SPIRE2: variants seen among roughly 807,000 people sequenced by gnomAD.
SPIRE2 encodes the protein protein spire homolog 2.
SPIRE2 carries 76 observed loss-of-function variants against 80.7 expected under a neutral mutation model. The ratio of observed to expected loss-of-function variants is 0.94; its 90% confidence interval spans 0.78 to 1.14. The LOEUF is 1.14. Ranked by LOEUF, SPIRE2 falls within the 50% of genes most tolerant of loss-of-function variation. SPIRE2 has a pLI of 0.00. For synonymous variants in SPIRE2, 535 were observed against 432.6 expected (o/e 1.24, Z -2.94); for missense variants, 1,196 against 1,015.3 (o/e 1.18, Z -2.42).
intron 3 of SPIRE2, among the ~76,000 whole-genome samples, chr16:89,851,882 C>T (rs2041631340): frequency 6.6e-6 from 1 of 152,070 alleles, no homozygotes; most frequent in Non-Finnish European, 1.5e-5. Context: ...TCTCTCCTGT[C>T]CTCTAACCGA....
In SPIRE2 at chr16:89,859,074, G is replaced by A. The variant is rs550515394; in HGVS notation, c.1273-91G>A. 1.6e-4 allele frequency: 193 copies of A among 1,221,934 alleles called. 2 individuals carry two copies. Among genetic ancestry groups the A allele is most frequent in the Middle Eastern group, 1.4e-3 (7 of 4,934 alleles). 75.7% of individuals were successfully genotyped at this position (1,221,934 alleles called of 1,614,324 possible). ...TGCCCCACATCGCAGCAGACCCTGC[G>A]GCACCCCTGGGTCCTCTGCTTCATT... On this transcript the variant is annotated intron_variant, in intron 8 of 14. Coordinates refer to ENST00000378247, the MANE Select transcript of SPIRE2 (RefSeq NM_032451.2).
Position 89,859,105 on chromosome 16 carries a change from CA to C in SPIRE2, c.1273-59del, listed in dbSNP as rs1402549365. 10 of 1,424,074 alleles carry C rather than the reference CA, an allele frequency of 7.0e-6. No homozygotes were observed. The Admixed American group carries it at 1.8e-4, about 25-fold the overall frequency. The allele number at this position is 1,424,074 out of a possible 1,614,324, so 88.2% of individuals were successfully genotyped here. A position where few individuals can be genotyped will look rare whatever the true frequency, so the allele number is the denominator to read the frequency against. On this transcript the variant is annotated intron_variant, in intron 8 of 14. Transcript: ENST00000378247. ...CCTGGGTCCTCTGCTTCATTCCAGGCATGGGCAGGAGGCACTGGCGGGCATT... is the reference window on the plus strand; with the variant it reads ...CCTGGGTCCTCTGCTTCATTCCAGGCTGGGCAGGAGGCACTGGCGGGCATT...
At position 89,828,820 on chromosome 16, in the gene SPIRE2, C is replaced by T. The variant is rs896746298; in HGVS notation, c.244+26C>T. ...GTGAGGCCGGGGGCGGGGCAGCCGG[C>T]GGGGACCGCGGTCTGGGGCGTCCGT... On this transcript the variant is annotated intron_variant, in intron 1 of 14. Coordinates refer to ENST00000378247, the MANE Select transcript of SPIRE2 (RefSeq NM_032451.2). The surrounding 1 kb of genome is among the most constrained non-coding windows in gnomAD (Gnocchi z 5.9). 3.0e-5 allele frequency: 35 copies of T among 1,173,198 alleles called. 1 individual carries two copies. Among genetic ancestry groups the T allele is most frequent in the Middle Eastern group, 7.0e-4 (2 of 2,874 alleles). The allele number at this position is 1,173,198 out of a possible 1,614,324, so 72.7% of individuals were successfully genotyped here. A position where few individuals can be genotyped will look rare whatever the true frequency, so the allele number is the denominator to read the frequency against.
intron 1 of SPIRE2, among the ~76,000 whole-genome samples, chr16:89,840,288 C>T (rs930188455): frequency 2.9e-5 from 4 of 138,816 alleles, no homozygotes; most frequent in Non-Finnish European, 6.1e-5. Context: ...CTCGCTCTGT[C>T]GTCCAGGCTG....
intron 13 of SPIRE2, among the ~76,000 whole-genome samples, chr16:89,869,053 A>AAAAAAAAAAAATATATAT: frequency 4.2e-5 from 1 of 24,030 alleles, no homozygotes. Context: ...AAAAAAAAAA[A>AAAAAAAAAAAATATATAT]ATATATATAT....
At chr16:89,831,566 T>G (rs1235646905) in intron 1 of SPIRE2, among the ~76,000 whole-genome samples, 1 of 149,810 alleles carries the variant, frequency 6.7e-6, no homozygotes, top group Non-Finnish European at 1.5e-5. Context: ...CCCGGCTAAT[T>G]TTTTGTATTT....
chr16:89,847,625 C>T (rs545248245), intron 2 of SPIRE2, among the ~76,000 whole-genome samples: 178 of 152,312 alleles, frequency 1.2e-3, no homozygotes, highest in Middle Eastern at 3.4e-3. Flanking sequence ...CGTCTCGCTC[C>T]TGGATTCCAT....
chr16:89,865,481 A>T (rs1386520346), intron 12 of SPIRE2, among the ~76,000 whole-genome samples: 2 of 152,240 alleles, frequency 1.3e-5, no homozygotes, highest in Non-Finnish European at 2.9e-5. Flanking sequence ...TAATAAGCCA[A>T]CAAAGGAGAT....
At chr16:89,850,703 A>G (rs1443630183) in intron 3 of SPIRE2, 43 bp downstream of exon 3, 1 of 481,598 alleles carries the variant, frequency 2.1e-6, no homozygotes, top group Non-Finnish European at 3.4e-6. Context: ...CCGGGAGGCC[A>G]GGGAGGGGAG....
rs573770388 is a variant in SPIRE2, at chr16:89,860,944, A to G, written c.1575+149A>G. ...CCGTCTGGGGGGGCGCGGTCTGAAC[A>G]TGGGGCACCAGTGGTGGAGCTGCTG... On this transcript the variant is annotated intron_variant, in intron 10 of 14. Coordinates refer to ENST00000378247, the MANE Select transcript of SPIRE2 (RefSeq NM_032451.2). 483 of 527,388 alleles carry G rather than the reference A, an allele frequency of 9.2e-4. 2 individuals carry two copies. The highest frequency in any genetic ancestry group is 1.3e-3 in the Non-Finnish European group (424 of 314,352). The allele number at this position is 527,388 out of a possible 1,614,324, so 32.7% of individuals were successfully genotyped here.
chr16:89,828,772 G>GGC lies in SPIRE2; in HGVS notation c.226_227dup (p.Glu77GlyfsTer15). On this transcript the variant is annotated frameshift_variant, in exon 1 of 15. Transcript: ENST00000378247. LOFTEE classifies it high-confidence loss of function. This position sits in a 1 kb window ranked among gnomAD's most constrained non-coding sequence, Gnocchi z 5.9. ...TGCTGCGCGGGGACGGCTCGGTCGG[G>GGC]GCGCGGGAGCCCGAGGCCGCGGGTG... The GGC allele has an allele frequency of 8.4e-7, 1 of 1,187,396 alleles. No individual in the cohort carries two copies. The highest frequency in any genetic ancestry group is 1.0e-6 in the Non-Finnish European group (1 of 959,604). 73.6% of individuals were successfully genotyped at this position (1,187,396 alleles called of 1,614,324 possible).
chr16:89,863,838 G>A lies in SPIRE2; in HGVS notation c.1755G>A (p.Pro585=), dbSNP rs766099321. 2.0e-5 allele frequency: 32 copies of A among 1,613,626 alleles called. No homozygotes were observed. The highest frequency in any genetic ancestry group is 2.7e-5 in the African/African-American group (2 of 74,874). ...CRAKFPLFSW[P]PSCLFCKRAV... is the part of the protein sequence containing the mutation. ...CCAAGTTCCCGCTGTTCTCGTGGCC[G>A]CCCAGCTGTCTCTTCTGCAAGAGGT... The change falls in exon 12 of 15, where the codon CCG becomes CCA. Residue 585 remains proline (P), a synonymous_variant. Coordinates refer to ENST00000378247, the MANE Select transcript of SPIRE2 (RefSeq NM_032451.2). This position sits in a 1 kb window ranked among gnomAD's most constrained non-coding sequence, Gnocchi z 4.3.
intron 9 of SPIRE2, 92 bp downstream of exon 9, chr16:89,859,446 T>G: frequency 1.3e-6 from 1 of 797,512 alleles, no homozygotes; most frequent in South Asian, 3.5e-5. Context: ...CACATCTTCC[T>G]GAGCAGGCAG....
chr16:89,854,113 T>A (rs1351524509), intron 3 of SPIRE2, among the ~76,000 whole-genome samples, 173 bp from the exon 4 acceptor site: 1 of 152,200 alleles, frequency 6.6e-6, no homozygotes, highest in African/African-American at 2.4e-5. Context: ...GATGGCTCGG[T>A]TTCCCCAGAT....
intron 1 of SPIRE2, among the ~76,000 whole-genome samples, chr16:89,831,708 C>G (rs527997236): frequency 4.0e-5 from 6 of 151,368 alleles, no homozygotes; most frequent in African/African-American, 1.4e-4. Flanking sequence ...GGATGCTAAA[C>G]TTTTTCACAG....
At chr16:89,867,989 A>G (rs1278565777) in intron 12 of SPIRE2, among the ~76,000 whole-genome samples, 200 bp from the exon 13 acceptor site, 1 of 152,236 alleles carries the variant, frequency 6.6e-6, no homozygotes, top group Admixed American at 6.5e-5. Flanking sequence ...AATGCCAAGG[A>G]GCACATATAT....
intron 1 of SPIRE2, among the ~76,000 whole-genome samples, chr16:89,829,039 C>T (rs757017586): frequency 2.6e-5 from 4 of 152,234 alleles, no homozygotes; most frequent in Admixed American, 6.5e-5. Flanking sequence ...CGGACCCCCC[C>T]ACCTGACGCC....
At chr16:89,852,995 A>ACCCTCAAGATCCCATGGCCCATCTTCCG (rs2041650713) in intron 3 of SPIRE2, among the ~76,000 whole-genome samples, 2 of 40,978 alleles carry the variant, frequency 4.9e-5, no homozygotes, top group South Asian at 7.9e-4. Context: ...CCCGTCTTCC[A>ACCCTCAAGATCCCATGGCCCATCTTCCG]TCCTCCCTCT....
intron 1 of SPIRE2, among the ~76,000 whole-genome samples, chr16:89,837,235 A>G (rs2041458944): frequency 6.6e-6 from 1 of 152,028 alleles, no homozygotes; most frequent in South Asian, 2.1e-4. Context: ...CATCTGTAAC[A>G]AGTTCCCTGG....
Sources: allele counts gnomAD v4.1 joint callset (sites outside exome capture counted in the v4.1 genomes callset), GRCh38; gene constraint gnomAD v4.1.1; non-coding constraint Gnocchi (gnomAD v3.1); transcripts MANE v1.5; gene names NCBI Gene and HGNC (gene_info 2026-07-23, HGNC 2026-07-21).